The following UBE2L3 variants were observed in gnomAD, a reference collection of about 807,000 sequenced individuals.
UBE2L3 encodes ubiquitin conjugating enzyme E2 L3.
UBE2L3 carries 1 observed loss-of-function variant against 17.8 expected under a neutral mutation model. The observed-to-expected ratio is 0.06, with a 90% CI of 0.02 to 0.27. UBE2L3 has a LOEUF of 0.27. Among genes scored for constraint, UBE2L3 ranks in the 10% least tolerant of loss-of-function variants. UBE2L3 has a pLI of 1.00. For missense variants in UBE2L3, 40 were observed against 192.6 expected (o/e 0.21, Z 4.69); for synonymous variants, 44 against 68.5 (o/e 0.64, Z 1.76).
intron 2 of UBE2L3, among the ~76,000 whole-genome samples, chr22:21,599,095 C>A (rs1250953524): frequency 1.3e-5 from 2 of 152,146 alleles, no homozygotes; most frequent in African/African-American, 4.8e-5. Context: ...TTTGCAGTTA[C>A]ATTTGTAGTT....
chr22:21,590,057 C>T (rs1329182779), intron 1 of UBE2L3, among the ~76,000 whole-genome samples: 1 of 152,168 alleles, frequency 6.6e-6, no homozygotes, highest in South Asian at 2.1e-4. Context: ...GCCCTTAGTG[C>T]TCCTCACTGA....
chr22:21,596,055 G>A (rs867513206), intron 2 of UBE2L3, among the ~76,000 whole-genome samples: 2 of 151,350 alleles, frequency 1.3e-5, no homozygotes, highest in Non-Finnish European at 2.9e-5. Context: ...TAGTAAAGAC[G>A]GGGTTTCACC....
intron 1 of UBE2L3, among the ~76,000 whole-genome samples, chr22:21,570,242 AGTTT>A (rs1368884739): frequency 2.6e-5 from 4 of 152,118 alleles, no homozygotes; most frequent in African/African-American, 9.7e-5. Flanking sequence ...CAGTTGACCC[AGTTT>A]GGAATCTCCA....
rs1361876249 is a variant in UBE2L3, at chr22:21,569,079, G to C, written c.27+1308G>C. On this transcript the variant is annotated intron_variant, in intron 1 of 3. Transcript: ENST00000342192. ...CAGGTGCAGTCGTCCATTAACCCTT[G>C]TGGATTTAAATTTAGAAAGATTTCT... 2.0e-5 allele frequency among the ~76,000 whole-genome samples: 3 copies of C among 152,078 alleles called. No individual in the cohort carries two copies. The East Asian group carries it at 5.8e-4, about 29-fold the overall frequency.
intron 1 of UBE2L3, among the ~76,000 whole-genome samples, chr22:21,556,561 C>T (rs1159290773): frequency 6.6e-6 from 1 of 152,170 alleles, no homozygotes; most frequent in Non-Finnish European, 1.5e-5. Context: ...TCCCGAGTAG[C>T]TGTGACTACA....
chr22:21,608,422 T>G (rs1568985902), intron 2 of UBE2L3, among the ~76,000 whole-genome samples: 1 of 151,970 alleles, frequency 6.6e-6, no homozygotes, highest in Non-Finnish European at 1.5e-5. Flanking sequence ...GCCAATATAT[T>G]TATTTTGTTA....
chr22:21,563,067 C>T (rs781263668), upstream of UBE2L3, among the ~76,000 whole-genome samples: 1 of 150,516 alleles, frequency 6.6e-6, no homozygotes, highest in African/African-American at 2.4e-5. Context: ...CATGGTGAAA[C>T]CCCGTCTCTA....
chr22:21,603,697 G>A lies in UBE2L3; in HGVS notation c.124-7160G>A, dbSNP rs528463011. Among the ~76,000 whole-genome samples, 57 of 151,712 alleles carry A rather than the reference G, an allele frequency of 3.8e-4. No homozygotes were observed. The South Asian group carries it at 0.011, about 30-fold the overall frequency. On this transcript the variant is annotated intron_variant, in intron 2 of 3. Transcript: ENST00000342192. ...TCTCTACTAAAAACACAAAAAATTA[G>A]CCGGGTGTGGTGGTGGGTGCCTGTA...
At chr22:21,616,338 G>T (rs550170554) in intron 3 of UBE2L3, among the ~76,000 whole-genome samples, 1 of 152,104 alleles carries the variant, frequency 6.6e-6, no homozygotes, top group Non-Finnish European at 1.5e-5. Flanking sequence ...ACTGAGAGTG[G>T]GTTTTCTTTT....
upstream of UBE2L3, among the ~76,000 whole-genome samples, chr22:21,564,944 C>A (rs1489925624): frequency 6.6e-6 from 1 of 152,114 alleles, no homozygotes; most frequent in South Asian, 2.1e-4. Context: ...GTGTATTGAA[C>A]ACTCAGTGTA....
At chr22:21,572,123 T>C (rs973315233) in intron 1 of UBE2L3, among the ~76,000 whole-genome samples, 1 of 152,100 alleles carries the variant, frequency 6.6e-6, no homozygotes, top group African/African-American at 2.4e-5. Flanking sequence ...TTGGGACCTT[T>C]TAAGGTATTT....
At chr22:21,592,739 TCA>T (rs752836463) in intron 1 of UBE2L3, 120 bp from the exon 2 acceptor site, 15 of 767,482 alleles carry the variant, frequency 2.0e-5, no homozygotes, top group Non-Finnish European at 2.9e-5. Context: ...AGTTTAGTCC[TCA>T]CTGTCCAATT....
intron 1 of UBE2L3, among the ~76,000 whole-genome samples, chr22:21,562,200 T>C (rs1482594943): frequency 6.9e-6 from 1 of 145,306 alleles, no homozygotes; most frequent in African/African-American, 2.5e-5. Flanking sequence ...TTTTTTTTCT[T>C]TTTTTTTTTT....
chr22:21,592,179 A>G (rs1159639413), intron 1 of UBE2L3, among the ~76,000 whole-genome samples: 1 of 152,158 alleles, frequency 6.6e-6, no homozygotes, highest in Non-Finnish European at 1.5e-5. Flanking sequence ...CCTGTTGCCC[A>G]CAACATGGCT....
chr22:21,576,719 C>T (rs1438241307), intron 1 of UBE2L3, among the ~76,000 whole-genome samples: 1 of 152,076 alleles, frequency 6.6e-6, no homozygotes, highest in African/African-American at 2.4e-5. Flanking sequence ...CAGATGTGAG[C>T]CACTGCGCCT....
chr22:21,561,008 A>G (rs1485634605), intron 1 of UBE2L3, among the ~76,000 whole-genome samples: 2 of 152,262 alleles, frequency 1.3e-5, no homozygotes, highest in East Asian at 3.8e-4. Context: ...AAGGAAGGAA[A>G]AGAGAGAAGA....
At chr22:21,620,032 C>T (rs979275759) in intron 3 of UBE2L3, among the ~76,000 whole-genome samples, 1 of 152,120 alleles carries the variant, frequency 6.6e-6, no homozygotes, top group Non-Finnish European at 1.5e-5. Context: ...TGGCTTCATG[C>T]CTGTCATCCT....
chr22:21,615,204 A>C (rs1929699910), intron 3 of UBE2L3, among the ~76,000 whole-genome samples: 1 of 151,982 alleles, frequency 6.6e-6, no homozygotes, highest in Non-Finnish European at 1.5e-5. Flanking sequence ...CTACAATGAA[A>C]TATTATTTAG....
intron 1 of UBE2L3, among the ~76,000 whole-genome samples, chr22:21,569,285 A>C (rs894752573): frequency 6.6e-6 from 1 of 150,936 alleles, no homozygotes; most frequent in Non-Finnish European, 1.5e-5. Flanking sequence ...AATCTCAGCT[A>C]CCCGGGAGGC....
Sources: allele counts gnomAD v4.1 joint callset (sites outside exome capture counted in the v4.1 genomes callset), GRCh38; gene constraint gnomAD v4.1.1; transcripts MANE v1.5; gene names NCBI Gene and HGNC (gene_info 2026-07-23, HGNC 2026-07-21).